The following TMEM131L variants were observed in gnomAD, a reference collection of about 807,000 sequenced individuals.
TMEM131L encodes the protein transmembrane protein 131-like.
TMEM131L carries 54 observed loss-of-function variants against 192.2 expected under a neutral mutation model. The observed-to-expected ratio is 0.28, with a 90% CI of 0.23 to 0.35. The LOEUF is 0.35. Among genes scored for constraint, TMEM131L ranks in the 10% least tolerant of loss-of-function variants. TMEM131L has a pLI of 1.00. For missense variants in TMEM131L, 1,888 were observed against 1,972.9 expected, an observed-to-expected ratio of 0.96 and a Z score of 0.82; for synonymous variants, 701 against 704.9, an observed-to-expected ratio of 0.99 and a Z score of 0.09.
Position 153,627,709 on chromosome 4 carries a change from G to A in TMEM131L, c.4207+22G>A, listed in dbSNP as rs751283521. 5 of 1,577,566 alleles carry A rather than the reference G, an allele frequency of 3.2e-6. No individual in the cohort carries two copies. In the South Asian group the frequency reaches 4.4e-5, roughly 14 times the overall value. Reference sequence around the variant, plus strand: ...AAAGGTGAGATGCATTCGTCTTGCTGCAGACATCAGCCAAGGGTTCTGTGC... The same window carrying A: ...AAAGGTGAGATGCATTCGTCTTGCTACAGACATCAGCCAAGGGTTCTGTGC... On this transcript the variant is annotated intron_variant, in intron 31 of 34. Coordinates refer to ENST00000409959, the MANE Select transcript of TMEM131L (RefSeq NM_001131007.2).
At chr4:153,539,492 ATTTTTTTTTTTT>A (rs750436196) in intron 3 of TMEM131L, among the ~76,000 whole-genome samples, 10 of 110,814 alleles carry the variant, frequency 9.0e-5, no homozygotes, top group African/African-American at 1.9e-4. Context: ...CAGAGGCTAG[ATTTTTTTTTTTT>A]TTTTTTTTTT....
At chr4:153,622,877 G>A in intron 28 of TMEM131L, 21 bp from the exon 29 acceptor site, 1 of 1,612,900 alleles carries the variant, frequency 6.2e-7, no homozygotes, top group Non-Finnish European at 8.5e-7. Context: ...AGGGAAACAT[G>A]ACTCCTTTCA....
Position 153,627,682 on chromosome 4 carries a change from A to G in TMEM131L, c.4202A>G (p.Asp1401Gly), listed in dbSNP as rs745921221. 6.8e-6 allele frequency: 11 copies of G among 1,612,530 alleles called. No homozygotes were observed. The South Asian group carries it at 1.1e-4, about 16-fold the overall frequency. Residue 1401 changes from aspartate to glycine, a missense_variant, in exon 31 of 35, where the codon GAT becomes GGT. Asp to Gly is a moderately conservative substitution (Grantham distance 94). Transcript: ENST00000409959. The part of the protein sequence containing the change: ...LPAGPTGVEE[D>G]KGLYSPGDLW... ...GCCGGGCCCACAGGTGTTGAAGAAG[A>G]TAAAGGTGAGATGCATTCGTCTTGC...
chr4:153,621,965 C>CTAATAACTA lies in TMEM131L; in HGVS notation c.3859+117_3859+125dup, dbSNP rs1315373468. On this transcript the variant is annotated intron_variant, in intron 28 of 34. Transcript: ENST00000409959. Reference sequence around the variant, plus strand: ...GATTTTATCTCTACAGGCAACTTAGCTAATAACTAAAGCCCCAGTGGAAAG... The same window carrying CTAATAACTA: ...GATTTTATCTCTACAGGCAACTTAGCTAATAACTATAATAACTAAAGCCCCAGTGGAAAG... 40 of 985,328 alleles carry CTAATAACTA rather than the reference C, an allele frequency of 4.1e-5. No individual in the cohort carries two copies. In the East Asian group the frequency reaches 1.0e-3, roughly 26 times the overall value. 61.0% of individuals were successfully genotyped at this position (985,328 alleles called of 1,614,324 possible). A position where few individuals can be genotyped will look rare whatever the true frequency, so the allele number is the denominator to read the frequency against.
At chr4:153,612,851 G>A (rs1047147629) in intron 26 of TMEM131L, among the ~76,000 whole-genome samples, 3 of 152,124 alleles carry the variant, frequency 2.0e-5, no homozygotes, top group African/African-American at 7.2e-5. Context: ...TATGAGGGAA[G>A]AACTAACTTT....
At chr4:153,605,615 A>G (rs558973362) in intron 25 of TMEM131L, among the ~76,000 whole-genome samples, 2 of 152,324 alleles carry the variant, frequency 1.3e-5, no homozygotes, top group African/African-American at 4.8e-5. Flanking sequence ...TTGGCCTCCT[A>G]AAATGCTGGG....
intron 2 of TMEM131L, among the ~76,000 whole-genome samples, chr4:153,472,358 AG>A (rs199691344): frequency 0.026 from 4,000 of 152,278 alleles, 79 homozygotes; most frequent in Middle Eastern, 0.065. Context: ...TCTGTGTCTG[AG>A]GGGAAAGCAT....
chr4:153,557,800 T>G (rs1398878658), intron 6 of TMEM131L, among the ~76,000 whole-genome samples: 2 of 152,192 alleles, frequency 1.3e-5, no homozygotes, highest in Non-Finnish European at 2.9e-5. Context: ...TCTGTTTCAT[T>G]TTTTATTTTT....
intron 2 of TMEM131L, among the ~76,000 whole-genome samples, chr4:153,468,133 C>G (rs1327154234): frequency 6.6e-6 from 1 of 152,128 alleles, no homozygotes; most frequent in Non-Finnish European, 1.5e-5. Flanking sequence ...TTGTGTCTTG[C>G]GGCTGTTTAG....
At chr4:153,580,546 C>T (rs952089256) in intron 7 of TMEM131L, among the ~76,000 whole-genome samples, 3 of 152,154 alleles carry the variant, frequency 2.0e-5, no homozygotes, top group African/African-American at 7.2e-5. Context: ...ACATATTCAC[C>T]TGCTTATAGG....
chr4:153,473,828 A>C lies in TMEM131L; in HGVS notation c.196-17A>C. 1 of 1,538,922 alleles carries C rather than the reference A, an allele frequency of 6.5e-7. No individual in the cohort carries two copies. Among genetic ancestry groups the C allele is most frequent in the Non-Finnish European group, 8.8e-7 (1 of 1,140,666 alleles). The stretch of plus-strand genomic sequence containing the variant: ...AACAAACAGAAACAACGGTTAACAC[A>C]TGTTCTTTTTCAATAGGGTGATTCT... On this transcript the variant is annotated splice_polypyrimidine_tract_variant and intron_variant, in intron 2 of 34. Transcript: ENST00000409959.
At chr4:153,496,987 A>G (rs1733220459) in intron 3 of TMEM131L, among the ~76,000 whole-genome samples, 1 of 151,758 alleles carries the variant, frequency 6.6e-6, no homozygotes, top group Non-Finnish European at 1.5e-5. Context: ...CAGCCTCCCT[A>G]GTAGCTGGGA....
intron 3 of TMEM131L, among the ~76,000 whole-genome samples, chr4:153,507,925 T>TAGA (rs1734097529): frequency 6.6e-6 from 1 of 152,190 alleles, no homozygotes; most frequent in Non-Finnish European, 1.5e-5. Context: ...TTGAAACACA[T>TAGA]AGAATGGATT....
intron 26 of TMEM131L, among the ~76,000 whole-genome samples, chr4:153,620,528 C>T (rs576909193): frequency 6.6e-6 from 1 of 152,272 alleles, no homozygotes; most frequent in South Asian, 2.1e-4. Context: ...TTTTTAGCCT[C>T]TTAGGAATTT....
intron 34 of TMEM131L, 92 bp downstream of exon 34, chr4:153,635,663 T>C: frequency 6.8e-7 from 1 of 1,465,336 alleles, no homozygotes; most frequent in Middle Eastern, 1.9e-4. Flanking sequence ...AGCTTTAGCG[T>C]TGGGTTTGGA....
At position 153,555,853 on chromosome 4, in the gene TMEM131L, G is replaced by A; in HGVS notation, c.375G>A (p.Val125=). The part of the protein sequence containing the change: ...AYNPSRDSEV[V]VNSVFAAAGH... The stretch of plus-strand genomic sequence containing the variant: ...ACCCTAGTAGGGACAGCGAGGTTGT[G>A]GTGAATTCAGTGTTTGCAGCTGCTG... The change falls in exon 5 of 35, where the codon GTG becomes GTA. Residue 125 remains valine (V), a synonymous_variant. Coordinates refer to ENST00000409959, the MANE Select transcript of TMEM131L (RefSeq NM_001131007.2). This position sits in a 1 kb window ranked among gnomAD's most constrained non-coding sequence, Gnocchi z 4.1. The A allele has an allele frequency of 6.4e-7, 1 of 1,551,628 alleles. No homozygotes were observed. The highest frequency in any genetic ancestry group is 8.7e-7 in the Non-Finnish European group (1 of 1,146,934).
intron 7 of TMEM131L, among the ~76,000 whole-genome samples, chr4:153,577,981 A>C (rs1328091776): frequency 1.3e-5 from 2 of 152,136 alleles, no homozygotes; most frequent in African/African-American, 4.8e-5. Context: ...CCTGGGAGAG[A>C]GTGAAGAGGG....
intron 7 of TMEM131L, among the ~76,000 whole-genome samples, chr4:153,563,249 G>T (rs1472514476): frequency 6.6e-6 from 1 of 152,144 alleles, no homozygotes; most frequent in Non-Finnish European, 1.5e-5. Context: ...GTGGAGCATG[G>T]ATTGTAAAAT....
intron 28 of TMEM131L, among the ~76,000 whole-genome samples, chr4:153,622,409 G>A (rs1733494632): frequency 6.6e-6 from 1 of 152,176 alleles, no homozygotes; most frequent in African/African-American, 2.4e-5. Context: ...CCCGACACAG[G>A]CCAGCACACT....
Sources: gnomAD v4.1 joint callset for allele counts (sites outside exome capture counted in the v4.1 genomes callset) on GRCh38, gnomAD v4.1.1 for gene constraint, Gnocchi (gnomAD v3.1) non-coding constraint, MANE v1.5 for transcripts, NCBI Gene and HGNC (gene_info 2026-07-23, HGNC 2026-07-21) for gene names.